The following VWDE variants were observed in gnomAD, a reference collection of about 807,000 sequenced individuals.
The protein encoded by VWDE is von Willebrand factor D and EGF domains, also known as von Willebrand factor D and EGF domain-containing protein.
Under a neutral mutation model 178.4 loss-of-function variants are expected in VWDE, and 207 were observed. That is an observed-to-expected ratio of 1.16 (90% CI 1.04 to 1.30). The LOEUF (loss-of-function observed/expected upper bound fraction) is 1.30. Among genes scored for constraint, VWDE ranks in the 50% most tolerant of loss-of-function variants. The probability of loss-of-function intolerance (pLI) is 0.00; values close to 1 mark genes in which losing one functional copy is unlikely to be tolerated. For synonymous variants in VWDE, 738 were observed against 651.4 expected (o/e 1.13, Z -2.02); for missense variants, 2,287 against 1,901.3 (o/e 1.20, Z -3.77).
chr7:12,369,163 G>A (rs181280771), intron 12 of VWDE, among the ~76,000 whole-genome samples: 1 of 152,178 alleles, frequency 6.6e-6, no homozygotes, highest in African/African-American at 2.4e-5. Context: ...TTGAGTTCTG[G>A]GAAAATAATG....
chr7:12,352,287 AT>A (rs1426145740), intron 18 of VWDE, among the ~76,000 whole-genome samples: 1 of 152,208 alleles, frequency 6.6e-6, no homozygotes, highest in African/African-American at 2.4e-5. Context: ...TTTGCCCTTC[AT>A]GCTATTGATT....
chr7:12,371,139 G>T (rs1248091340), intron 10 of VWDE, among the ~76,000 whole-genome samples: 1 of 151,950 alleles, frequency 6.6e-6, no homozygotes, highest in Non-Finnish European at 1.5e-5. Context: ...ACAAAAATAA[G>T]ATAATTTATA....
rs1784615705 is a variant in VWDE, at chr7:12,396,220, G to C, written c.59-2442C>G. On this transcript the variant is annotated intron_variant, in intron 1 of 28. Coordinates refer to ENST00000275358, the MANE Select transcript of VWDE (RefSeq NM_001135924.3). ...GTAATAGATTATTTTCCAGTTTAATGTAATGACCAACCTGCATTAGATTAT... is the reference window on the plus strand; with the variant it reads ...GTAATAGATTATTTTCCAGTTTAATCTAATGACCAACCTGCATTAGATTAT... 2.6e-5 allele frequency among the ~76,000 whole-genome samples: 4 copies of C among 152,140 alleles called. No homozygotes were observed. The South Asian group carries it at 8.3e-4, about 32-fold the overall frequency.
chr7:12,369,020 T>G (rs1783009204), intron 12 of VWDE, among the ~76,000 whole-genome samples: 1 of 152,140 alleles, frequency 6.6e-6, no homozygotes, highest in African/African-American at 2.4e-5. Flanking sequence ...AAACAAAACT[T>G]TTTACAGTTT....
At position 12,383,544 on chromosome 7, in the gene VWDE, T is replaced by G. The variant is rs1256359488; in HGVS notation, c.533A>C (p.Asp178Ala). 1 of 1,550,048 alleles carries G rather than the reference T, an allele frequency of 6.5e-7. No individual in the cohort carries two copies. Among genetic ancestry groups the G allele is most frequent in the African/African-American group, 1.4e-5 (1 of 72,964 alleles). ...CGSDETETGG[D>A]CVRQLAASLP... Reference sequence around the variant, plus strand: ...CAAAATATGATACTTACGAACACAATCACCTCCTGTTTCAGTTTCATCAGA... The same window carrying G: ...CAAAATATGATACTTACGAACACAAGCACCTCCTGTTTCAGTTTCATCAGA... Residue 178 changes from aspartate (D) to alanine (A), a missense_variant, in exon 4 of 29, where the codon GAT becomes GCT. Physicochemically the swap from Asp to Ala is moderately radical, Grantham distance 126. Transcript: ENST00000275358.
intron 6 of VWDE, 27 bp from the exon 7 acceptor site, chr7:12,377,947 T>G: frequency 7.4e-7 from 1 of 1,344,466 alleles, no homozygotes; most frequent in Non-Finnish European, 9.6e-7. Flanking sequence ...CGTAGAAAAA[T>G]TATGTTAAAA....
At position 12,380,573 on chromosome 7, in the gene VWDE, T is replaced by TAA. The variant is rs1562507450; in HGVS notation, c.701_702insTT (p.Glu234AspfsTer2). 1.3e-6 allele frequency: 2 copies of TAA among 1,552,116 alleles called. No individual in the cohort carries two copies. Among genetic ancestry groups the TAA allele is most frequent in the Non-Finnish European group, 1.7e-6 (2 of 1,147,114 alleles). The stretch of plus-strand genomic sequence containing the variant: ...TCTCTTGTGTCAGCTCCTCTTTGAC[T>TAA]TCTTGAGAAGAAAGCCTAGACCAAG... On this transcript the variant is annotated frameshift_variant, in exon 5 of 29. Coordinates refer to ENST00000275358, the MANE Select transcript of VWDE (RefSeq NM_001135924.3). LOFTEE classifies it high-confidence loss of function.
Position 12,393,583 on chromosome 7 carries a change from A to C in VWDE, c.243+11T>G. 6.5e-7 allele frequency: 1 copy of C among 1,531,402 alleles called. No individual in the cohort carries two copies. Among genetic ancestry groups the C allele is most frequent in the Non-Finnish European group, 8.8e-7 (1 of 1,136,750 alleles). 94.9% of individuals were successfully genotyped at this position (1,531,402 alleles called of 1,614,324 possible). A position where few individuals can be genotyped will look rare whatever the true frequency, so the allele number is the denominator to read the frequency against. On this transcript the variant is annotated intron_variant, in intron 2 of 28. Coordinates refer to ENST00000275358, the MANE Select transcript of VWDE (RefSeq NM_001135924.3). ...GGAAAATAACATGCAGTACTTAGGG[A>C]GTTGACATACCTCAACACATTTGGT...
intron 3 of VWDE, 187 bp downstream of exon 3, chr7:12,388,940 C>G (rs1369454738): frequency 2.8e-6 from 2 of 712,246 alleles, no homozygotes; most frequent in African/African-American, 3.5e-5. Flanking sequence ...GGGGACTTTA[C>G]AATCTTGGCA....
In VWDE at chr7:12,377,778, T is replaced by G. The variant is rs1365487113; in HGVS notation, c.1022A>C (p.Gln341Pro). ...ATAAAATAAAGTTAGTATATTACCT[T>G]GACCAATAGTTTTCAGTTTTAATGA... Reference protein sequence around the residue: ...KISLKLKTIGQGREHLGLNLA... With the variant: ...KISLKLKTIGPGREHLGLNLA... The change falls in exon 7 of 29, where the codon CAA (glutamine) becomes CCA (proline). Residue 341 changes from glutamine (Q) to proline (P), a missense_variant and splice_region_variant. Physicochemically the swap from Gln to Pro is moderately conservative, Grantham distance 76 (BLOSUM62 -1). Coordinates refer to ENST00000275358, the MANE Select transcript of VWDE (RefSeq NM_001135924.3). 2 of 1,476,506 alleles carry G rather than the reference T, an allele frequency of 1.4e-6. No homozygotes were observed. Among genetic ancestry groups the G allele is most frequent in the Non-Finnish European group, 1.8e-6 (2 of 1,103,136 alleles). The allele number at this position is 1,476,506 out of a possible 1,614,324, so 91.5% of individuals were successfully genotyped here.
At chr7:12,338,123 A>G (rs1050488818) in intron 24 of VWDE, among the ~76,000 whole-genome samples, 58 of 152,204 alleles carry the variant, frequency 3.8e-4, no homozygotes, top group African/African-American at 1.4e-3. Context: ...TTGAATTACT[A>G]GCTGCTTTCT....
intron 24 of VWDE, among the ~76,000 whole-genome samples, chr7:12,339,757 T>C (rs1781227647): frequency 6.6e-6 from 1 of 152,128 alleles, no homozygotes; most frequent in Middle Eastern, 3.2e-3. Flanking sequence ...TTGACATTAA[T>C]TCATACCCTC....
At chr7:12,390,828 C>G (rs1011943390) in intron 2 of VWDE, among the ~76,000 whole-genome samples, 1 of 151,828 alleles carries the variant, frequency 6.6e-6, no homozygotes, top group African/African-American at 2.4e-5. Flanking sequence ...TTTAAATGAA[C>G]AACTATATGT....
chr7:12,349,056 T>C (rs1333441614), intron 19 of VWDE, among the ~76,000 whole-genome samples: 2 of 152,030 alleles, frequency 1.3e-5, no homozygotes, highest in Middle Eastern at 3.2e-3. Context: ...AAGGGGAACA[T>C]TACACTCTGG....
chr7:12,352,291 T>C (rs1477652075), intron 18 of VWDE, among the ~76,000 whole-genome samples: 2 of 152,230 alleles, frequency 1.3e-5, no homozygotes, highest in African/African-American at 4.8e-5. Context: ...CCCTTCATGC[T>C]ATTGATTCTT....
intron 1 of VWDE, among the ~76,000 whole-genome samples, chr7:12,395,310 A>T (rs546556524): frequency 2.0e-5 from 3 of 152,268 alleles, no homozygotes; most frequent in African/African-American, 4.8e-5. Context: ...AGAATCTTTT[A>T]AAAAAGAGAC....
At chr7:12,348,057 T>C (rs984953946) in intron 19 of VWDE, among the ~76,000 whole-genome samples, 56 of 152,238 alleles carry the variant, frequency 3.7e-4, no homozygotes, top group Non-Finnish European at 7.4e-4. Context: ...TCCTTACACC[T>C]TATACAAAAA....
At chr7:12,379,971 G>A (rs530876854) in intron 5 of VWDE, among the ~76,000 whole-genome samples, 7 of 151,818 alleles carry the variant, frequency 4.6e-5, no homozygotes, top group African/African-American at 1.7e-4. Flanking sequence ...GGTGGCGGGC[G>A]CCTGTAGTCC....
chr7:12,355,378 T>G (rs111908483), intron 18 of VWDE, among the ~76,000 whole-genome samples: 2 of 148,854 alleles, frequency 1.3e-5, no homozygotes, highest in Non-Finnish European at 3.0e-5. Context: ...ACGGCGCCAC[T>G]GCACTCCAGC....
Sources: gnomAD v4.1 joint callset for allele counts (sites outside exome capture counted in the v4.1 genomes callset) on GRCh38, gnomAD v4.1.1 for gene constraint, MANE v1.5 for transcripts, NCBI Gene and HGNC (gene_info 2026-07-23, HGNC 2026-07-21) for gene names.